Variants in KCTD5 observed in about 807,000 individuals in gnomAD.
The protein encoded by KCTD5 is BTB/POZ domain-containing protein KCTD5.
KCTD5 carries 12 observed loss-of-function variants against 27.9 expected under a neutral mutation model. That is an observed-to-expected ratio of 0.43 (90% CI 0.28 to 0.70). The LOEUF (loss-of-function observed/expected upper bound fraction) is 0.70, where lower values mean the gene tolerates loss of function less well. Among genes scored for constraint, KCTD5 ranks in the 30% least tolerant of loss-of-function variants. The probability of loss-of-function intolerance (pLI) is 0.19; values close to 1 mark genes in which losing one functional copy is unlikely to be tolerated. For missense variants in KCTD5, 226 were observed against 274.8 expected, an observed-to-expected ratio of 0.82 and a Z score of 1.26; for synonymous variants, 147 against 121.4, an observed-to-expected ratio of 1.21 and a Z score of -1.39.
chr16:2,707,372 A>G lies in KCTD5; in HGVS notation c.*45A>G. The stretch of plus-strand genomic sequence containing the variant: ...TGAAGAAATGATTTACGTTTTCCCG[A>G]GATGTAATGAACTGCCATGTCCAGG... On this transcript the variant is annotated 3_prime_UTR_variant, in exon 6 of 6. Transcript: ENST00000301738. The G allele has an allele frequency of 6.3e-7, 1 of 1,589,342 alleles. No homozygotes were observed. Among genetic ancestry groups the G allele is most frequent in the Non-Finnish European group, 8.6e-7 (1 of 1,157,308 alleles).
intron 1 of KCTD5, 24 bp downstream of exon 1, chr16:2,682,824 G>A (rs747436311): frequency 1.8e-5 from 28 of 1,571,252 alleles, no homozygotes; most frequent in Non-Finnish European, 2.3e-5. Flanking sequence ...GGGCCAGCCC[G>A]GAGGGTCCTG....
chr16:2,693,345 A>T (rs1281567373), intron 1 of KCTD5, among the ~76,000 whole-genome samples: 1 of 152,208 alleles, frequency 6.6e-6, no homozygotes, highest in African/African-American at 2.4e-5. Flanking sequence ...GCATCACCGC[A>T]CTGGGCCAGC....
chr16:2,705,638 C>T (rs1567196921), intron 5 of KCTD5, among the ~76,000 whole-genome samples: 1 of 152,202 alleles, frequency 6.6e-6, no homozygotes, highest in Non-Finnish European at 1.5e-5. Flanking sequence ...CCAGGCCAGC[C>T]GTGTCCTGCA....
At chr16:2,692,972 G>T (rs1367805139) in intron 1 of KCTD5, among the ~76,000 whole-genome samples, 3 of 152,402 alleles carry the variant, frequency 2.0e-5, no homozygotes, top group East Asian at 1.9e-4. Context: ...GGAGCGGGAA[G>T]CCCGGGTCTG....
intron 4 of KCTD5, among the ~76,000 whole-genome samples, chr16:2,701,153 G>A (rs952513338): frequency 1.3e-5 from 2 of 152,236 alleles, no homozygotes; most frequent in South Asian, 2.1e-4. Context: ...TCTCCTGCCC[G>A]TGGTGGGCAC....
At chr16:2,697,838 G>A in intron 2 of KCTD5, 68 bp from the exon 3 acceptor site, 1 of 1,100,070 alleles carries the variant, frequency 9.1e-7, no homozygotes, top group Non-Finnish European at 1.4e-6. Context: ...GGGCAGGGGT[G>A]GGTGTAAAGC....
At chr16:2,692,424 G>A (rs1359297452) in intron 1 of KCTD5, among the ~76,000 whole-genome samples, 1 of 152,202 alleles carries the variant, frequency 6.6e-6, no homozygotes, top group East Asian at 1.9e-4. Flanking sequence ...TCTCAGCAGA[G>A]AAGCGGCCCC....
chr16:2,693,361 C>T (rs377155480), intron 1 of KCTD5, among the ~76,000 whole-genome samples: 4 of 152,348 alleles, frequency 2.6e-5, no homozygotes, highest in African/African-American at 7.2e-5. Flanking sequence ...CCAGCTGTGG[C>T]CAGACTGAGG....
chr16:2,692,982 G>A (rs910161733), intron 1 of KCTD5, among the ~76,000 whole-genome samples: 5 of 152,262 alleles, frequency 3.3e-5, no homozygotes, highest in African/African-American at 1.2e-4. Flanking sequence ...GCCCGGGTCT[G>A]CAGCCATAGT....
intron 1 of KCTD5, among the ~76,000 whole-genome samples, chr16:2,686,616 G>A (rs1257247784): frequency 1.2e-5 from 1 of 80,880 alleles, no homozygotes; most frequent in South Asian, 4.9e-4. Flanking sequence ...TGCAGCTGAG[G>A]CAGCCTTGGA....
chr16:2,707,518 C>T lies in KCTD5; in HGVS notation c.*191C>T. ...GCCCAGCTGTCCAAGGCCAGACGTCCCCAAGTTGGGGGAGCACGGCGGCCG... is the reference window on the plus strand; with the variant it reads ...GCCCAGCTGTCCAAGGCCAGACGTCTCCAAGTTGGGGGAGCACGGCGGCCG... On this transcript the variant is annotated 3_prime_UTR_variant, in exon 6 of 6. Transcript: ENST00000301738. The T allele has an allele frequency of 1.4e-6, 1 of 710,002 alleles. No homozygotes were observed. The highest frequency in any genetic ancestry group is 2.7e-5 in the East Asian group (1 of 36,990). 44.0% of individuals were successfully genotyped at this position (710,002 alleles called of 1,614,324 possible).
rs1467569223 is a variant in KCTD5, at chr16:2,702,974, G to A, written c.675+496G>A. On this transcript the variant is annotated intron_variant, in intron 5 of 5. Transcript: ENST00000301738. ...ACTACGTGGGCCTCATCTTTGTCGA[G>A]AGGAGGGTGTCCTGCAGGCCCTGGG... 3.3e-5 allele frequency among the ~76,000 whole-genome samples: 5 copies of A among 152,162 alleles called. 1 individual carries two copies. The highest frequency in any genetic ancestry group is 7.4e-5 in the Non-Finnish European group (5 of 68,020).
At chr16:2,690,091 T>TG (rs1406949574) in intron 1 of KCTD5, among the ~76,000 whole-genome samples, 1 of 152,256 alleles carries the variant, frequency 6.6e-6, no homozygotes, top group African/African-American at 2.4e-5. Context: ...GGCGGAGAGC[T>TG]GCAGCCGGAG....
intron 1 of KCTD5, among the ~76,000 whole-genome samples, chr16:2,692,354 C>G (rs964429671): frequency 6.6e-6 from 1 of 152,148 alleles, no homozygotes; most frequent in Non-Finnish European, 1.5e-5. Flanking sequence ...TGGGACAGTG[C>G]AGAGGAGACT....
chr16:2,697,803 G>A (rs2067592995), intron 2 of KCTD5, 103 bp from the exon 3 acceptor site: 3 of 798,614 alleles, frequency 3.8e-6, no homozygotes, highest in Admixed American at 4.1e-5. Context: ...CGAGCCATGG[G>A]CCCTCATTGC....
At chr16:2,697,733 C>T (rs950624466) in intron 2 of KCTD5, among the ~76,000 whole-genome samples, 173 bp from the exon 3 acceptor site, 1 of 152,232 alleles carries the variant, frequency 6.6e-6, no homozygotes, top group Non-Finnish European at 1.5e-5. Context: ...AGGAGCCCTG[C>T]TGGGCTGACA....
Position 2,690,334 on chromosome 16 carries a change from C to G in KCTD5, c.253-5601C>G, listed in dbSNP as rs561985137. On this transcript the variant is annotated intron_variant, in intron 1 of 5. Coordinates refer to ENST00000301738, the MANE Select transcript of KCTD5 (RefSeq NM_018992.4). ...CTCTCCTCTGTGGTTTGGCAACTGT[C>G]CTGCCCGGCCTACGTCCTGTGGCTC... is the stretch of plus-strand genomic sequence containing the variant. 3.9e-5 allele frequency among the ~76,000 whole-genome samples: 6 copies of G among 152,324 alleles called. No individual in the cohort carries two copies. In the East Asian group the frequency reaches 1.2e-3, roughly 29 times the overall value.
intron 4 of KCTD5, among the ~76,000 whole-genome samples, chr16:2,701,236 G>A (rs940712880): frequency 5.9e-5 from 9 of 152,198 alleles, no homozygotes; most frequent in African/African-American, 1.4e-4. Context: ...TGCAAAGAAC[G>A]GGTGTCCTCC....
intron 5 of KCTD5, among the ~76,000 whole-genome samples, chr16:2,706,169 C>T (rs1045456556): frequency 6.6e-6 from 1 of 152,140 alleles, no homozygotes; most frequent in African/African-American, 2.4e-5. Context: ...CTGGGGGGCA[C>T]CCGCCTGGGA....
Sources: gnomAD v4.1 joint callset for allele counts (sites outside exome capture counted in the v4.1 genomes callset) on GRCh38, gnomAD v4.1.1 for gene constraint, MANE v1.5 for transcripts, NCBI Gene and HGNC (gene_info 2026-07-23, HGNC 2026-07-21) for gene names.